PNPLA3: variants seen among roughly 807,000 people sequenced by gnomAD.
PNPLA3 encodes 1-acylglycerol-3-phosphate O-acyltransferase PNPLA3.
PNPLA3 carries 42 observed loss-of-function variants against 43.1 expected under a neutral mutation model. The ratio of observed to expected loss-of-function variants is 0.97; its 90% CI spans 0.76 to 1.26. The LOEUF (loss-of-function observed/expected upper bound fraction) is 1.26. Ranked by LOEUF, PNPLA3 falls within the 50% of genes most tolerant of loss-of-function variation. The pLI is 0.00. For synonymous variants in PNPLA3, 272 were observed against 253.6 expected (o/e 1.07, Z -0.69); for missense variants, 647 against 621.4 (o/e 1.04, Z -0.44).
intron 5 of PNPLA3, among the ~76,000 whole-genome samples, chr22:43,935,294 G>GA (rs2049987769): frequency 6.6e-6 from 1 of 152,188 alleles, no homozygotes; most frequent in Admixed American, 6.5e-5. Context: ...CATTTTTAAG[G>GA]ACATATGTGT....
chr22:43,932,798 A>G lies in PNPLA3; in HGVS notation c.487-80A>G, dbSNP rs562595399. ...TTTGTGGCTCTGAGAAGCTCTGCCC[A>G]CATGTGAAAGCTTGTTAAGCACTTA... On this transcript the variant is annotated intron_variant, in intron 3 of 8. Transcript: ENST00000216180. The G allele has an allele frequency of 5.7e-4, 748 of 1,310,734 alleles. 1 individual carries two copies. Among genetic ancestry groups the G allele is most frequent in the Non-Finnish European group, 7.4e-4 (678 of 911,550 alleles). The allele number at this position is 1,310,734 out of a possible 1,614,324, so 81.2% of individuals were successfully genotyped here. A position where few individuals can be genotyped will look rare whatever the true frequency, so the allele number is the denominator to read the frequency against.
At chr22:43,931,867 T>C (rs1220836268) in intron 3 of PNPLA3, among the ~76,000 whole-genome samples, 1 of 152,192 alleles carries the variant, frequency 6.6e-6, no homozygotes, top group Admixed American at 6.5e-5. Context: ...ATTGTGTGAC[T>C]ACGATTTTGG....
In PNPLA3 at chr22:43,927,186, T is replaced by A. The variant is rs1452371482; in HGVS notation, c.420+19T>A. On this transcript the variant is annotated intron_variant, in intron 2 of 8. Transcript: ENST00000216180. ...CGTGGATGTAAGCAGTTTGCTTATC[T>A]GGACGTTGTCAAGTTAGAAAAGCTG... 1 of 1,608,840 alleles carries A rather than the reference T, an allele frequency of 6.2e-7. No individual in the cohort carries two copies. Among genetic ancestry groups the A allele is most frequent in the East Asian group, 2.2e-5 (1 of 44,872 alleles).
rs927240871 is a variant in PNPLA3, at chr22:43,946,590, C to T, written c.*208C>T. On this transcript the variant is annotated 3_prime_UTR_variant, in exon 9 of 9. Transcript: ENST00000216180. ...CACTTAACTCTAATACATCAGCATG[C>T]GTTAATTCAGCTGGTTGGGAAATGA... The T allele has an allele frequency of 1.8e-5, 13 of 713,566 alleles. No individual in the cohort carries two copies. Among genetic ancestry groups the T allele is most frequent in the South Asian group, 8.7e-5 (6 of 69,260 alleles). 44.2% of individuals were successfully genotyped at this position (713,566 alleles called of 1,614,324 possible).
intron 5 of PNPLA3, 98 bp from the exon 6 acceptor site, chr22:43,936,953 A>T: frequency 1.1e-6 from 1 of 951,880 alleles, no homozygotes; most frequent in Non-Finnish European, 1.6e-6. Flanking sequence ...GGCTAATAAC[A>T]GGCCAGCTGC....
chr22:43,924,133 G>A (rs766138795), intron 1 of PNPLA3, 35 bp downstream of exon 1: 30 of 1,492,842 alleles, frequency 2.0e-5, no homozygotes, highest in Non-Finnish European at 2.6e-5. Flanking sequence ...CTCCACGTGC[G>A]GAGTGGGTGC....
At position 43,940,127 on chromosome 22, in the gene PNPLA3, T is replaced by C; in HGVS notation, c.1112+2T>C. 1.9e-6 allele frequency: 3 copies of C among 1,613,732 alleles called. No homozygotes were observed. The highest frequency in any genetic ancestry group is 2.5e-6 in the Non-Finnish European group (3 of 1,179,686). The stretch of plus-strand genomic sequence containing the variant: ...ATCTGCCATTGCGATTGTCCAGAGG[T>C]GAGCATTTTAGGTGGCTCCGTGTCT... On this transcript the variant is annotated splice_donor_variant, in intron 7 of 8. Transcript: ENST00000216180. LOFTEE classifies it high-confidence loss of function.
At position 43,927,090 on chromosome 22, in the gene PNPLA3, G is replaced by T. The variant is rs2076212; in HGVS notation, c.343G>T (p.Gly115Cys). 203,395 of 1,614,018 alleles carry T rather than the reference G, an allele frequency of 0.13. 13,319 individuals are homozygous for T. Among genetic ancestry groups the T allele is most frequent in the African/African-American group, 0.16 (11,843 of 74,992 alleles). The change falls in exon 2 of 9, where the codon GGC becomes TGC. Residue 115 changes from glycine (G) to cysteine (C), a missense_variant. Transcript: ENST00000216180. ...NVHQLISGKI[G>C]ISLTRVSDGE... Reference sequence around the variant, plus strand: ...CCACCAGCTCATCTCCGGCAAAATAGGCATCTCTCTTACCAGAGTGTCTGA... The same window carrying T: ...CCACCAGCTCATCTCCGGCAAAATATGCATCTCTCTTACCAGAGTGTCTGA...
At chr22:43,940,704 A>G (rs2050025528) in intron 7 of PNPLA3, among the ~76,000 whole-genome samples, 2 of 151,852 alleles carry the variant, frequency 1.3e-5, no homozygotes, top group South Asian at 2.1e-4. Flanking sequence ...AGCTACTTGG[A>G]AGGCTGGGGC....
chr22:43,932,383 A>T (rs2049967118), intron 3 of PNPLA3, among the ~76,000 whole-genome samples: 2 of 152,188 alleles, frequency 1.3e-5, no homozygotes, highest in Admixed American at 1.3e-4. Flanking sequence ...AGATGGGCTC[A>T]TGGGTTAAAG....
At chr22:43,939,713 G>A (rs1463717705) in intron 6 of PNPLA3, among the ~76,000 whole-genome samples, 6 of 152,204 alleles carry the variant, frequency 3.9e-5, no homozygotes, top group African/African-American at 7.2e-5. Context: ...CTACTTGGGA[G>A]GCTGAGGCAG....
intron 2 of PNPLA3, among the ~76,000 whole-genome samples, chr22:43,927,373 T>C (rs1160579716): frequency 1.3e-5 from 2 of 151,682 alleles, no homozygotes; most frequent in Non-Finnish European, 1.5e-5. Flanking sequence ...GGGCCCATAG[T>C]CCCAGCTACT....
intron 1 of PNPLA3, among the ~76,000 whole-genome samples, chr22:43,924,644 CTTTTT>C (rs1242792631): frequency 6.6e-6 from 1 of 151,272 alleles, no homozygotes; most frequent in Admixed American, 6.6e-5. Flanking sequence ...CTTTTCTTTT[CTTTTT>C]TTCTTTTTTT....
chr22:43,946,743 G>T lies in PNPLA3; in HGVS notation c.*361G>T. 1.9e-6 allele frequency: 1 copy of T among 530,932 alleles called. No homozygotes were observed. 32.9% of individuals were successfully genotyped at this position (530,932 alleles called of 1,614,324 possible). Reference sequence around the variant, plus strand: ...ATGGGTGGGGGCCTTGTGATGGGGGGTAGGCTGGCCCATGTGTGATCTTGT... The same window carrying T: ...ATGGGTGGGGGCCTTGTGATGGGGGTTAGGCTGGCCCATGTGTGATCTTGT... On this transcript the variant is annotated 3_prime_UTR_variant, in exon 9 of 9. Transcript: ENST00000216180.
intron 6 of PNPLA3, chr22:43,939,517 T>A: frequency 1.3e-6 from 1 of 793,182 alleles, no homozygotes; most frequent in Non-Finnish European, 1.6e-6. Flanking sequence ...GCCCTTGCTG[T>A]GAAGGGAGCA....
chr22:43,940,771 T>A (rs766637086), intron 7 of PNPLA3, among the ~76,000 whole-genome samples: 1 of 152,032 alleles, frequency 6.6e-6, no homozygotes, highest in Non-Finnish European at 1.5e-5. Context: ...ATTGTACCAC[T>A]GCACTCCAGC....
intron 2 of PNPLA3, among the ~76,000 whole-genome samples, chr22:43,928,155 A>T (rs567932345): frequency 2.6e-5 from 4 of 152,336 alleles, no homozygotes; most frequent in Admixed American, 2.0e-4. Context: ...TACTTGACAG[A>T]TCTGTGCAAG....
intron 7 of PNPLA3, among the ~76,000 whole-genome samples, chr22:43,940,715 A>T (rs1338359308): frequency 6.6e-6 from 1 of 152,146 alleles, no homozygotes; most frequent in African/African-American, 2.4e-5. Context: ...AGGCTGGGGC[A>T]GAAGAATCGC....
chr22:43,939,885 T>G (rs980242435), intron 6 of PNPLA3, 108 bp from the exon 7 acceptor site: 133 of 1,521,700 alleles, frequency 8.7e-5, no homozygotes, highest in Non-Finnish European at 1.2e-4. Context: ...TCTGACCCTT[T>G]GGCTGCCAGG....
Sources: gnomAD v4.1 joint callset for allele counts (sites outside exome capture counted in the v4.1 genomes callset) on GRCh38, gnomAD v4.1.1 for gene constraint, MANE v1.5 for transcripts, NCBI Gene and HGNC (gene_info 2026-07-23, HGNC 2026-07-21) for gene names.